The following NAV3 variants were observed in gnomAD, a reference collection of about 807,000 sequenced individuals.
NAV3 encodes pore membrane and/or filament interacting like protein 1.
NAV3 carries 87 observed loss-of-function variants against 244.7 expected under a neutral mutation model. The ratio of observed to expected loss-of-function variants is 0.36; its 90% confidence interval spans 0.30 to 0.42. The LOEUF is 0.42. Ranked by LOEUF, NAV3 falls within the 20% of genes least tolerant of loss-of-function variation. The pLI, the probability that NAV3 is intolerant of heterozygous loss-of-function variation, is 1.00. For missense variants in NAV3, 2,663 were observed against 2,893.3 expected, an observed-to-expected ratio of 0.92 and a Z score of 1.83; for synonymous variants, 1,126 against 1,042.2, an observed-to-expected ratio of 1.08 and a Z score of -1.55.
chr12:77,862,080 A>G (rs542657271), intron 1 of NAV3, among the ~76,000 whole-genome samples: 7 of 151,894 alleles, frequency 4.6e-5, no homozygotes, highest in South Asian at 4.1e-4. Context: ...ATATTGTGAT[A>G]GTTACTTTAA....
chr12:78,168,849 C>A lies in NAV3; in HGVS notation c.4964C>A (p.Pro1655Gln). ...QAAIQGALNG[P>Q]DHPPKDLRIR... ...GCTATTCAGGGAGCACTGAATGGTCCAGACCATCCTCCCAAAGGTATATTT... is the reference window on the plus strand; with the variant it reads ...GCTATTCAGGGAGCACTGAATGGTCAAGACCATCCTCCCAAAGGTATATTT... Residue 1655 changes from proline to glutamine, a missense_variant, in exon 24 of 40, where the codon CCA becomes CAA. Physicochemically the swap from Pro to Gln is moderately conservative, Grantham distance 76. This residue lies in a region of NAV3 where 193 missense variants were observed against 200.7 expected (regional missense o/e 0.96). Transcript: ENST00000397909. 6.2e-7 allele frequency: 1 copy of A among 1,603,990 alleles called. No individual in the cohort carries two copies. The highest frequency in any genetic ancestry group is 1.1e-5 in the South Asian group (1 of 89,612).
intron 5 of NAV3, among the ~76,000 whole-genome samples, chr12:77,974,677 AAGT>A: frequency 6.6e-6 from 1 of 152,264 alleles, no homozygotes; most frequent in South Asian, 2.1e-4. Flanking sequence ...AGAGTCAAGC[AAGT>A]ATGGGTTGGA....
chr12:77,736,263 G>T (rs1877330049), intron 2 of NAV3, among the ~76,000 whole-genome samples: 1 of 152,112 alleles, frequency 6.6e-6, no homozygotes, highest in Non-Finnish European at 1.5e-5. Flanking sequence ...ACTTATATGG[G>T]CAATAGATAC....
At chr12:77,838,214 T>C (rs1189243775) in intron 1 of NAV3, among the ~76,000 whole-genome samples, 1 of 152,230 alleles carries the variant, frequency 6.6e-6, no homozygotes, top group East Asian at 1.9e-4. Context: ...TTAATTGTTT[T>C]TGCTTTTGTG....
At chr12:77,932,638 C>T (rs1888923496) in intron 1 of NAV3, among the ~76,000 whole-genome samples, 1 of 152,092 alleles carries the variant, frequency 6.6e-6, no homozygotes, top group African/African-American at 2.4e-5. Context: ...TCTTTACTTT[C>T]TTGACTCTAA....
chr12:78,110,952 G>A (rs1157498026), intron 12 of NAV3, among the ~76,000 whole-genome samples: 2 of 152,018 alleles, frequency 1.3e-5, no homozygotes, highest in African/African-American at 4.8e-5. Flanking sequence ...TCACTTATAT[G>A]TGGGAGCTAA....
At chr12:77,572,038 T>C (rs1868850176) in exon 2 of NAV3, 1 of 154,358 alleles carries the variant, frequency 6.5e-6, no homozygotes, top group Admixed American at 6.5e-5. Context: ...TTCCATTCAA[T>C]CAATGGATTT....
chr12:78,139,096 A>T (rs1593749370), intron 19 of NAV3, among the ~76,000 whole-genome samples: 2 of 151,664 alleles, frequency 1.3e-5, no homozygotes, highest in South Asian at 4.2e-4. Flanking sequence ...GATAGAAAGA[A>T]TTTTTTTTTA....
intron 2 of NAV3, among the ~76,000 whole-genome samples, chr12:77,759,809 G>T (rs768924693): frequency 1.3e-5 from 2 of 152,088 alleles, no homozygotes; most frequent in South Asian, 2.1e-4. Context: ...GATTCCAAAA[G>T]AACTAATGAC....
At position 77,652,970 on chromosome 12, in the gene NAV3, G is replaced by C. The variant is rs183001236; in HGVS notation, c.72+80704G>C. On this transcript the variant is annotated intron_variant, in intron 2 of 8. Transcript: ENST00000550042. The stretch of plus-strand genomic sequence containing the variant: ...TACAAAGCTTTTAGTATTTTTCAAA[G>C]TGTGTTCAATGGATGTTAATAGGGT... Among the ~76,000 whole-genome samples, 192 of 152,292 alleles carry C rather than the reference G, an allele frequency of 1.3e-3. 1 individual carries two copies. Among genetic ancestry groups the C allele is most frequent in the African/African-American group, 4.0e-3 (168 of 41,568 alleles).
intron 12 of NAV3, among the ~76,000 whole-genome samples, chr12:78,059,661 T>G (rs367643361): frequency 1.3e-5 from 2 of 152,134 alleles, no homozygotes; most frequent in African/African-American, 4.8e-5. Flanking sequence ...CAAAAATAAA[T>G]GTATGGCTGG....
chr12:78,141,287 GT>G (rs1180505457), intron 20 of NAV3, among the ~76,000 whole-genome samples: 2 of 152,092 alleles, frequency 1.3e-5, no homozygotes. Context: ...GAGTTTTTCT[GT>G]TTGGTAAATA....
chr12:77,659,215 C>G (rs928794230), intron 2 of NAV3, among the ~76,000 whole-genome samples: 1 of 151,478 alleles, frequency 6.6e-6, no homozygotes, highest in Admixed American at 6.6e-5. Context: ...ACTCGTCTGA[C>G]AAAGGGCTAA....
At chr12:78,051,203 A>G in intron 11 of NAV3, 56 bp downstream of exon 11, 1 of 1,537,546 alleles carries the variant, frequency 6.5e-7, no homozygotes, top group Admixed American at 1.8e-5. Flanking sequence ...GGTCTACTAT[A>G]ATGCATTCAC....
intron 2 of NAV3, among the ~76,000 whole-genome samples, chr12:77,765,927 G>A (rs907398614): frequency 2.0e-5 from 3 of 152,044 alleles, no homozygotes; most frequent in South Asian, 2.1e-4. Flanking sequence ...AAATTTGCAC[G>A]AGGGACATGA....
intron 5 of NAV3, among the ~76,000 whole-genome samples, chr12:77,983,711 A>C (rs1269786298): frequency 6.6e-6 from 1 of 152,192 alleles, no homozygotes; most frequent in Admixed American, 6.5e-5. Flanking sequence ...GGGGACCACA[A>C]ACAATTACAG....
At chr12:78,208,983 GGA>G (rs1324448166) in intron 39 of NAV3, among the ~76,000 whole-genome samples, 1 of 152,106 alleles carries the variant, frequency 6.6e-6, no homozygotes, top group Non-Finnish European at 1.5e-5. Flanking sequence ...GAAAGAGAGA[GGA>G]GAGTGGGAGA....
At chr12:77,643,163 G>C (rs777151819) in intron 2 of NAV3, among the ~76,000 whole-genome samples, 2 of 151,546 alleles carry the variant, frequency 1.3e-5, no homozygotes, top group Non-Finnish European at 2.9e-5. Flanking sequence ...TAAATTCCTC[G>C]TATGTTCTGT....
chr12:77,948,465 C>T (rs953116958), intron 3 of NAV3, among the ~76,000 whole-genome samples: 2 of 151,698 alleles, frequency 1.3e-5, no homozygotes, highest in African/African-American at 4.8e-5. Flanking sequence ...TGAATATTGA[C>T]CACTTTAATA....
Sources: allele counts gnomAD v4.1 joint callset (sites outside exome capture counted in the v4.1 genomes callset), GRCh38; gene constraint gnomAD v4.1.1; regional missense constraint gnomAD v4.1.1; transcripts MANE v1.5; gene names NCBI Gene and HGNC (gene_info 2026-07-23, HGNC 2026-07-21).